The following CD101 variants were observed in gnomAD, a reference collection of about 807,000 sequenced individuals.
CD101 encodes the protein CD101 molecule.
In CD101, 76 loss-of-function variants were observed where a neutral mutation model predicts 98.2. The observed-to-expected ratio is 0.77, with a 90% confidence interval of 0.64 to 0.94. The LOEUF (loss-of-function observed/expected upper bound fraction) is 0.94. Ranked by LOEUF, CD101 falls within the 40% of genes least tolerant of loss-of-function variation. CD101 has a pLI of 0.00. For missense variants in CD101, 1,145 were observed against 1,218.8 expected, an observed-to-expected ratio of 0.94 and a Z score of 0.90; for synonymous variants, 471 against 472.7, an observed-to-expected ratio of 1.00 and a Z score of 0.05.
chr1:117,027,520 G>C (rs1305312172), intron 8 of CD101, among the ~76,000 whole-genome samples: 1 of 152,200 alleles, frequency 6.6e-6, no homozygotes, highest in African/African-American at 2.4e-5. Context: ...ACATGAAAGA[G>C]TATGCAAGAT....
At chr1:117,017,694 TA>T (rs1653324483) in intron 5 of CD101, among the ~76,000 whole-genome samples, 1 of 152,226 alleles carries the variant, frequency 6.6e-6, no homozygotes, top group Admixed American at 6.5e-5. Flanking sequence ...TGTTCAAGGT[TA>T]AAAACAAAAT....
rs1195015904 is a variant in CD101 at position 117,023,249 on chromosome 1, T to C, written c.2428+1266T>C. Among the ~76,000 whole-genome samples the C allele has an allele frequency of 1.3e-5, 2 of 152,234 alleles. No homozygotes were observed. The highest frequency in any genetic ancestry group is 4.8e-5 in the African/African-American group (2 of 41,460). ...CTCCCAGTCATCCACACCAAACTCT[T>C]GACCACATGTGCATGGCCGTCTTCA... On this transcript the variant is annotated intron_variant, in intron 7 of 9. Transcript: ENST00000682167. This position sits in a 1 kb window ranked among gnomAD's most constrained non-coding sequence, Gnocchi z 4.4.
chr1:117,015,132 C>T (rs1464311656), intron 4 of CD101, among the ~76,000 whole-genome samples: 1 of 152,148 alleles, frequency 6.6e-6, no homozygotes, highest in African/African-American at 2.4e-5. Flanking sequence ...ACTGGGCTTA[C>T]TATGTAGACA....
At position 117,022,672 on chromosome 1, in the gene CD101, A is replaced by G. The variant is rs1311571020; in HGVS notation, c.2428+689A>G. ...GAACTGGCCAAGATCCTACAGCACA[A>G]TGCAGAGAAGTTGATCTAATTTGGT... On this transcript the variant is annotated intron_variant, in intron 7 of 9. Transcript: ENST00000682167. The surrounding 1 kb of genome is among the most constrained non-coding windows in gnomAD (Gnocchi z 4.8). Among the ~76,000 whole-genome samples, 3 of 152,352 alleles carry G rather than the reference A, an allele frequency of 2.0e-5. No individual in the cohort carries two copies. The East Asian group carries it at 5.8e-4, about 29-fold the overall frequency.
rs772514923 is a variant in CD101, at chr1:117,025,766, C to T, written c.2686C>T (p.Leu896Phe). ...ATCCTCTACAGACTTTGTCCTGAAG[C>T]TTCATCAGGTGGAGATGGAGGATGC... is the stretch of plus-strand genomic sequence containing the variant. ...RSSSTDFVLK[L>F]HQVEMEDAGM... The change falls in exon 8 of 10, where the codon CTT (leucine) becomes TTT (phenylalanine). Residue 896 changes from leucine (L) to phenylalanine (F), a missense_variant. Transcript: ENST00000682167. 10 of 1,614,218 alleles carry T rather than the reference C, an allele frequency of 6.2e-6. No individual in the cohort carries two copies. The Admixed American group carries it at 1.5e-4, about 24-fold the overall frequency.
rs781672099 is a variant in CD101, at chr1:117,017,443, C to T, written c.1582C>T (p.Gln528Ter). ...CCAGGCCAGAGATCTGAGCTGGACT[C>T]AGAAGATTTCAGTTACTGTAAAGTC... ...RNQARDLSWTQKISVTVKSLE... is the reference protein window; with the variant it reads ...RNQARDLSWT The change falls in exon 5 of 10, where the codon CAG (glutamine) becomes TAG (stop). Residue 528 changes from glutamine to a stop codon, truncating the protein, a stop_gained. Coordinates refer to ENST00000682167, the MANE Select transcript of CD101 (RefSeq NM_001256106.3). LOFTEE classifies it high-confidence loss of function. The T allele has an allele frequency of 4.3e-6, 7 of 1,612,284 alleles. No individual in the cohort carries two copies. The African/African-American group carries it at 5.3e-5, about 12-fold the overall frequency.
At position 117,021,784 on chromosome 1, in the gene CD101, C is replaced by T. The variant is rs1483859934; in HGVS notation, c.2229C>T (p.His743=). The part of the protein sequence containing the change: ...TNVIKTGDEF[H]TPQRKQKFHT... ...TTATAAAAACTGGGGATGAGTTTCA[C>T]ACCCCACAGAGAAAACAAAAATTTC... The change falls in exon 7 of 10, where the codon CAC becomes CAT. Residue 743 remains histidine (H), a synonymous_variant. Transcript: ENST00000682167. This position sits in a 1 kb window ranked among gnomAD's most constrained non-coding sequence, Gnocchi z 4.7. The T allele has an allele frequency of 6.2e-7, 1 of 1,614,066 alleles. No homozygotes were observed. The highest frequency in any genetic ancestry group is 8.5e-7 in the Non-Finnish European group (1 of 1,179,986).
intron 6 of CD101, among the ~76,000 whole-genome samples, chr1:117,020,413 G>A (rs573610580): frequency 3.3e-5 from 5 of 152,208 alleles, no homozygotes; most frequent in Non-Finnish European, 7.4e-5. Flanking sequence ...GCATGGTGGC[G>A]TGCACCTGTA....
At chr1:117,009,480 A>G (rs979795310) in intron 1 of CD101, among the ~76,000 whole-genome samples, 1 of 152,258 alleles carries the variant, frequency 6.6e-6, no homozygotes, top group African/African-American at 2.4e-5. Context: ...GGAATTTGAG[A>G]CTTGAGGAAG....
intron 9 of CD101, 59 bp downstream of exon 9, chr1:117,034,193 C>T (rs1654655219): frequency 6.7e-7 from 1 of 1,500,292 alleles, no homozygotes; most frequent in African/African-American, 1.4e-5. Context: ...CTGTCCTCAA[C>T]TATGTCTGCG....
chr1:117,017,869 G>A (rs557400966), intron 5 of CD101, among the ~76,000 whole-genome samples: 1 of 152,312 alleles, frequency 6.6e-6, no homozygotes, highest in African/African-American at 2.4e-5. Flanking sequence ...CTAGGGTGGG[G>A]AGTGCTCCAC....
chr1:117,014,427 T>C (rs781477140), intron 4 of CD101, among the ~76,000 whole-genome samples: 17 of 152,160 alleles, frequency 1.1e-4, no homozygotes, highest in Non-Finnish European at 2.2e-4. Flanking sequence ...TAATTGATAG[T>C]GGGCAGACTC....
In CD101 at chr1:117,025,666, G is replaced by C. The variant is rs774890450; in HGVS notation, c.2586G>C (p.Leu862=). 6.2e-7 allele frequency: 1 copy of C among 1,614,178 alleles called. No homozygotes were observed. Among genetic ancestry groups the C allele is most frequent in the Non-Finnish European group, 8.5e-7 (1 of 1,180,032 alleles). Residue 862 remains leucine, a synonymous_variant, in exon 8 of 10, where the codon CTG becomes CTC. Coordinates refer to ENST00000682167, the MANE Select transcript of CD101 (RefSeq NM_001256106.3). ...GAGAAAACTCTGGAAGTAAATTGCT[G>C]GTGCACTTGCAACATGATGGCTTGC... The part of the protein sequence containing the change: ...WNRENSGSKL[L]VHLQHDGLLE...
intron 9 of CD101, among the ~76,000 whole-genome samples, chr1:117,034,670 G>A (rs947063859): frequency 3.3e-5 from 5 of 152,220 alleles, no homozygotes; most frequent in African/African-American, 1.2e-4. Context: ...TCAAGAGCAA[G>A]TTCTGTGTAA....
rs140285627 is a variant in CD101 at position 117,009,928 on chromosome 1, T to C, written c.122T>C (p.Ile41Thr). Residue 41 changes from isoleucine to threonine, a missense_variant, in exon 2 of 10, where the codon ATT becomes ACT. Transcript: ENST00000682167. ...AGAGCTGAAGGTTACCCAGTCAGCATTGGCTGCAATGTAACTGGCCACCAG... is the reference window on the plus strand; with the variant it reads ...AGAGCTGAAGGTTACCCAGTCAGCACTGGCTGCAATGTAACTGGCCACCAG... ...LFRAEGYPVS[I>T]GCNVTGHQGP... 8.1e-6 allele frequency: 13 copies of C among 1,614,136 alleles called. No homozygotes were observed. The East Asian group carries it at 1.1e-4, about 14-fold the overall frequency.
intron 6 of CD101, among the ~76,000 whole-genome samples, chr1:117,020,408 G>A (rs1653508542): frequency 6.6e-6 from 1 of 152,168 alleles, no homozygotes; most frequent in African/African-American, 2.4e-5. Context: ...GCCAGGCATG[G>A]TGGCGTGCAC....
At chr1:117,011,239 C>G (rs1490574717) in intron 2 of CD101, among the ~76,000 whole-genome samples, 1 of 152,182 alleles carries the variant, frequency 6.6e-6, no homozygotes, top group Non-Finnish European at 1.5e-5. Flanking sequence ...GTTTCTCTGT[C>G]CCAGTGCTTT....
intron 8 of CD101, among the ~76,000 whole-genome samples, chr1:117,028,320 G>A (rs985321668): frequency 6.6e-6 from 1 of 152,106 alleles, no homozygotes; most frequent in African/African-American, 2.4e-5. Flanking sequence ...GGAGCAGAAG[G>A]AGAGAATTAA....
In CD101 at chr1:117,017,275, G is replaced by A; in HGVS notation, c.1414G>A (p.Gly472Ser). The A allele has an allele frequency of 6.2e-7, 1 of 1,614,206 alleles. No individual in the cohort carries two copies. Among genetic ancestry groups the A allele is most frequent in the East Asian group, 2.2e-5 (1 of 44,870 alleles). Residue 472 changes from glycine (G) to serine (S), a missense_variant, in exon 5 of 10, where the codon GGT (glycine) becomes AGT (serine). Coordinates refer to ENST00000682167, the MANE Select transcript of CD101 (RefSeq NM_001256106.3). ...GGGGCAGGATGGCATTGTGCAGCTG[G>A]GTGCCTCCTATGGGGTACCCAGTTA... ...GMGQDGIVQLGASYGVPSYHG... is the reference protein window; with the variant it reads ...GMGQDGIVQLSASYGVPSYHG...
Sources: allele counts gnomAD v4.1 joint callset (sites outside exome capture counted in the v4.1 genomes callset), GRCh38; gene constraint gnomAD v4.1.1; non-coding constraint Gnocchi (gnomAD v3.1); transcripts MANE v1.5; gene names NCBI Gene and HGNC (gene_info 2026-07-23, HGNC 2026-07-21).